The following KIAA0825 variants were observed in gnomAD, a reference collection of about 807,000 sequenced individuals.
KIAA0825 encodes uncharacterized protein KIAA0825.
A neutral mutation model predicts 147.6 loss-of-function variants in KIAA0825; 119 were observed. That is an observed-to-expected ratio of 0.81 (90% CI 0.69 to 0.94). The LOEUF (loss-of-function observed/expected upper bound fraction) is 0.94, where lower values mean the gene tolerates loss of function less well. Among genes scored for constraint, KIAA0825 ranks in the 40% least tolerant of loss-of-function variants. The pLI, the probability that KIAA0825 is intolerant of heterozygous loss-of-function variation, is 0.00. For missense variants in KIAA0825, 1,381 were observed against 1,472.7 expected, an observed-to-expected ratio of 0.94 and a Z score of 1.02; for synonymous variants, 470 against 518.1, an observed-to-expected ratio of 0.91 and a Z score of 1.26.
chr5:94,607,651 T>C (rs1561388077), intron 1 of KIAA0825, among the ~76,000 whole-genome samples: 1 of 152,230 alleles, frequency 6.6e-6, no homozygotes, highest in East Asian at 1.9e-4. Context: ...CAAGAAGTTA[T>C]ATTAGTTTTC....
chr5:94,154,574 T>C (rs182430796), intron 20 of KIAA0825, among the ~76,000 whole-genome samples: 2 of 152,264 alleles, frequency 1.3e-5, no homozygotes, highest in East Asian at 1.9e-4. Context: ...GTTACTTGGA[T>C]ATACCTTAAG....
In KIAA0825 at chr5:94,437,965, C is replaced by T. The variant is rs541707778; in HGVS notation, c.2497+2017G>A. On this transcript the variant is annotated intron_variant, in intron 14 of 20. Transcript: ENST00000682413. ...GTTTATGTAAAAAGCACTGTGCCAG[C>T]TTAAGGAGGAATACAAAAATCTACA... 1.1e-4 allele frequency among the ~76,000 whole-genome samples: 17 copies of T among 152,262 alleles called. 1 individual carries two copies. The South Asian group carries it at 3.5e-3, about 32-fold the overall frequency.
At chr5:94,432,248 A>C (rs1755776355) in intron 14 of KIAA0825, among the ~76,000 whole-genome samples, 1 of 152,198 alleles carries the variant, frequency 6.6e-6, no homozygotes, top group Admixed American at 6.5e-5. Flanking sequence ...ATCACCTGGG[A>C]GTTTGTTAGA....
chr5:94,504,746 C>CTTTTTT (rs564291886), intron 5 of KIAA0825, among the ~76,000 whole-genome samples: 50 of 122,948 alleles, frequency 4.1e-4, no homozygotes, highest in Non-Finnish European at 5.9e-4. Context: ...TTTTTCTTTT[C>CTTTTTT]TTTTTTTTTT....
chr5:94,459,062 T>C (rs1417613533), intron 12 of KIAA0825, among the ~76,000 whole-genome samples: 2 of 152,120 alleles, frequency 1.3e-5, no homozygotes, highest in Non-Finnish European at 2.9e-5. Context: ...TTCTAATAAA[T>C]AGAATCAAAC....
chr5:94,413,384 G>A (rs1371765595), intron 15 of KIAA0825: 1 of 152,114 alleles, frequency 6.6e-6, no homozygotes, highest in Non-Finnish European at 1.5e-5. Flanking sequence ...CCAAAAACTA[G>A]AAATAATCAA....
intron 1 of KIAA0825, among the ~76,000 whole-genome samples, chr5:94,588,677 C>G (rs2152385003): frequency 6.6e-6 from 1 of 152,260 alleles, no homozygotes; most frequent in South Asian, 2.1e-4. Context: ...ACCCAGTAAT[C>G]CCATTACTCC....
rs368175497 is a variant in KIAA0825 at position 94,526,833 on chromosome 5, G to C, written c.132-2735C>G. The stretch of plus-strand genomic sequence containing the variant: ...TAAAGGAATTCTGTCTAGTGAAAGA[G>C]ATAAACCTGTAAATAAACAACTACA... On this transcript the variant is annotated intron_variant, in intron 3 of 20. Transcript: ENST00000682413. 5.6e-4 allele frequency among the ~76,000 whole-genome samples: 85 copies of C among 151,964 alleles called. 3 individuals carry two copies. The highest frequency in any genetic ancestry group is 3.7e-3 in the Admixed American group (56 of 15,218).
At chr5:94,544,184 T>C (rs531083234) in intron 2 of KIAA0825, among the ~76,000 whole-genome samples, 28 of 152,338 alleles carry the variant, frequency 1.8e-4, no homozygotes, top group Non-Finnish European at 3.7e-4. Context: ...TCTGCTTCTT[T>C]GTTCTTTCCC....
At chr5:94,490,827 C>A (rs1763650423) in intron 5 of KIAA0825, among the ~76,000 whole-genome samples, 1 of 152,098 alleles carries the variant, frequency 6.6e-6, no homozygotes, top group South Asian at 2.1e-4. Flanking sequence ...CAAGTATTAA[C>A]CCCATTCTCT....
chr5:94,246,549 A>C (rs1775624197), intron 20 of KIAA0825, among the ~76,000 whole-genome samples: 1 of 152,004 alleles, frequency 6.6e-6, no homozygotes, highest in African/African-American at 2.4e-5. Flanking sequence ...AAAGGTGAAA[A>C]CTGTTACATA....
chr5:94,349,535 T>C (rs531216231), intron 20 of KIAA0825, among the ~76,000 whole-genome samples: 11 of 152,236 alleles, frequency 7.2e-5, no homozygotes, highest in African/African-American at 2.4e-4. Context: ...TGATAAGCCA[T>C]AAAACGAGCC....
In KIAA0825 at chr5:94,212,667, AT is replaced by A. The variant is rs1474896623; in HGVS notation, c.3711-58544del. Among the ~76,000 whole-genome samples the A allele has an allele frequency of 2.0e-5, 3 of 152,302 alleles. No individual in the cohort carries two copies. In the East Asian group the frequency reaches 5.8e-4, roughly 29 times the overall value. The stretch of plus-strand genomic sequence containing the variant: ...CAAGTGGATGCTGCATGTATAGTGA[AT>A]TTGTGTCATAGCTAAGGAACCTCAG... On this transcript the variant is annotated intron_variant, in intron 20 of 20. Transcript: ENST00000682413.
chr5:94,517,676 T>A (rs1767476619), intron 5 of KIAA0825, among the ~76,000 whole-genome samples: 1 of 150,992 alleles, frequency 6.6e-6, no homozygotes, highest in Non-Finnish European at 1.5e-5. Context: ...TTAGGATTAT[T>A]TAAATTTAAA....
chr5:94,417,467 G>T, intron 14 of KIAA0825, 102 bp from the exon 15 acceptor site: 3 of 882,928 alleles, frequency 3.4e-6, no homozygotes, highest in Non-Finnish European at 3.2e-6. Context: ...CTGTGGAAAT[G>T]GTTTTTAATA....
At chr5:94,162,344 G>T (rs896917736) in intron 20 of KIAA0825, among the ~76,000 whole-genome samples, 1 of 152,092 alleles carries the variant, frequency 6.6e-6, no homozygotes, top group Admixed American at 6.6e-5. Flanking sequence ...CTGTTGCCCA[G>T]GCTGGAGTGC....
rs755035948 is a variant in KIAA0825, at chr5:94,470,133, A to G, written c.1722-22T>C. The G allele has an allele frequency of 5.8e-6, 9 of 1,539,704 alleles. No individual in the cohort carries two copies. In the South Asian group the frequency reaches 1.1e-4, roughly 19 times the overall value. On this transcript the variant is annotated intron_variant, in intron 9 of 20. Coordinates refer to ENST00000682413, the MANE Select transcript of KIAA0825 (RefSeq NM_001145678.3). ...GGGTCTGTTCAGAGAGAATGATCAAAGAGACAGAGATTTAAGGCCTGTGCA... is the reference window on the plus strand; with the variant it reads ...GGGTCTGTTCAGAGAGAATGATCAAGGAGACAGAGATTTAAGGCCTGTGCA...
intron 11 of KIAA0825, 55 bp from the exon 12 acceptor site, chr5:94,462,624 G>T: frequency 9.3e-7 from 1 of 1,072,976 alleles, no homozygotes; most frequent in Non-Finnish European, 1.3e-6. Context: ...TCTCTGCTTG[G>T]TAGGCACTTT....
chr5:94,257,856 C>T (rs191946537), intron 20 of KIAA0825, among the ~76,000 whole-genome samples: 2 of 151,954 alleles, frequency 1.3e-5, no homozygotes, highest in East Asian at 1.9e-4. Flanking sequence ...ATTAATTTTA[C>T]CTAAAGGCTG....
Sources: allele counts gnomAD v4.1 joint callset (sites outside exome capture counted in the v4.1 genomes callset), GRCh38; gene constraint gnomAD v4.1.1; transcripts MANE v1.5; gene names NCBI Gene and HGNC (gene_info 2026-07-23, HGNC 2026-07-21).